The following FER1L6 variants were observed in gnomAD, a reference collection of about 807,000 sequenced individuals.
FER1L6 encodes the protein fer-1-like protein 6.
FER1L6 carries 177 observed loss-of-function variants against 219.2 expected under a neutral mutation model. The observed-to-expected ratio is 0.81, with a 90% CI of 0.71 to 0.91. FER1L6 has a LOEUF of 0.91. Among genes scored for constraint, FER1L6 ranks in the 40% least tolerant of loss-of-function variants. The probability of loss-of-function intolerance (pLI) is 0.00; values close to 1 mark genes in which losing one functional copy is unlikely to be tolerated. For missense variants in FER1L6, 2,153 were observed against 2,259.9 expected (o/e 0.95, Z 0.96); for synonymous variants, 768 against 824.3 (o/e 0.93, Z 1.17).
At chr8:123,900,435 C>G (rs1473540032) in intron 1 of FER1L6, among the ~76,000 whole-genome samples, 2 of 152,162 alleles carry the variant, frequency 1.3e-5, no homozygotes, top group Non-Finnish European at 2.9e-5. Flanking sequence ...ATATCATCAG[C>G]AAACAGTGAC....
At chr8:123,994,213 G>C (rs113641936) in intron 12 of FER1L6, among the ~76,000 whole-genome samples, 5 of 152,256 alleles carry the variant, frequency 3.3e-5, no homozygotes, top group African/African-American at 1.2e-4. Context: ...GCAATGAGTG[G>C]AACCACAGAG....
rs1286560623 is a variant in FER1L6 at position 124,119,916 on chromosome 8, G to C, written c.*126G>C. 1 of 967,472 alleles carries C rather than the reference G, an allele frequency of 1.0e-6. No homozygotes were observed. Among genetic ancestry groups the C allele is most frequent in the East Asian group, 2.6e-5 (1 of 38,788 alleles). The allele number at this position is 967,472 out of a possible 1,614,324, so 59.9% of individuals were successfully genotyped here. On this transcript the variant is annotated 3_prime_UTR_variant, in exon 41 of 41. Transcript: ENST00000522917. ...TAAGGGGACAGATCAACCCTTCTTG[G>C]AAGAGATGGAAAAGAAACATTTCCT...
intron 8 of FER1L6, among the ~76,000 whole-genome samples, chr8:123,975,566 A>G (rs977522230): frequency 6.6e-6 from 1 of 152,146 alleles, no homozygotes; most frequent in East Asian, 1.9e-4. Context: ...AGCTTATCCA[A>G]TTTTTCTGAA....
At chr8:124,049,336 G>A (rs777930024) in intron 21 of FER1L6, among the ~76,000 whole-genome samples, 57 of 152,102 alleles carry the variant, frequency 3.7e-4, no homozygotes, top group African/African-American at 9.2e-4. Flanking sequence ...CTGAGCTACC[G>A]CGCCTGTATG....
chr8:123,948,940 T>C lies in FER1L6; in HGVS notation c.-7-7052T>C, dbSNP rs1586502508. On this transcript the variant is annotated intron_variant, in intron 1 of 40. Transcript: ENST00000522917. The stretch of plus-strand genomic sequence containing the variant: ...GCAAAGATGGCTGTGGAATAGAGAG[T>C]AGGTTTCAGGAGGGAGAGAACAGAA... Among the ~76,000 whole-genome samples, 3 of 152,144 alleles carry C rather than the reference T, an allele frequency of 2.0e-5. No homozygotes were observed. The South Asian group carries it at 6.2e-4, about 32-fold the overall frequency.
chr8:123,936,462 G>A (rs1236717185), intron 1 of FER1L6, among the ~76,000 whole-genome samples: 1 of 97,928 alleles, frequency 1.0e-5, no homozygotes, highest in African/African-American at 3.9e-5. Flanking sequence ...ATTGCAGCCT[G>A]TTTTTTTTTT....
intron 1 of FER1L6, among the ~76,000 whole-genome samples, chr8:123,932,620 ATGG>A (rs1813815829): frequency 6.6e-6 from 1 of 152,166 alleles, no homozygotes; most frequent in African/African-American, 2.4e-5. Context: ...CATTGGCGTA[ATGG>A]TGGGGGGAGG....
At position 124,076,436 on chromosome 8, in the gene FER1L6, AG is replaced by A. The variant is rs2130891427; in HGVS notation, c.4220+113del. 2.8e-6 allele frequency: 3 copies of A among 1,083,088 alleles called. No individual in the cohort carries two copies. In the East Asian group the frequency reaches 7.2e-5, roughly 26 times the overall value. The allele number at this position is 1,083,088 out of a possible 1,614,324, so 67.1% of individuals were successfully genotyped here. A position where few individuals can be genotyped will look rare whatever the true frequency, so the allele number is the denominator to read the frequency against. On this transcript the variant is annotated intron_variant, in intron 32 of 40. Coordinates refer to ENST00000522917, the MANE Select transcript of FER1L6 (RefSeq NM_001039112.2). ...TGTTCCTGGGTGAAATGGTTCCAGG[AG>A]GTTAAATACTGGCTTCTGCTCTTGG...
intron 31 of FER1L6, among the ~76,000 whole-genome samples, chr8:124,073,593 T>C (rs903911601): frequency 1.1e-4 from 16 of 152,166 alleles, no homozygotes; most frequent in African/African-American, 3.6e-4. Context: ...GTTTACAAGA[T>C]AGGTTGGCCA....
rs764350360 is a variant in FER1L6 at position 124,062,017 on chromosome 8, A to G, written c.3313A>G (p.Thr1105Ala). ...PLAPITQVDG[T>A]QPGHDISDSL... ...TGCCCCCATCACACAGGTGGATGGA[A>G]CCCAGCCTGGGCACGGTGAGAAGCT... is the stretch of plus-strand genomic sequence containing the variant. Residue 1105 changes from threonine (T) to alanine (A), a missense_variant, in exon 25 of 41, where the codon ACC becomes GCC. Transcript: ENST00000522917. The G allele has an allele frequency of 1.9e-6, 3 of 1,613,992 alleles. No individual in the cohort carries two copies. The East Asian group carries it at 6.7e-5, about 36-fold the overall frequency.
In FER1L6 at chr8:124,017,719, G is replaced by A. The variant is rs1818262936; in HGVS notation, c.2013+1G>A. 3.3e-5 allele frequency: 53 copies of A among 1,612,012 alleles called. No homozygotes were observed. Among genetic ancestry groups the A allele is most frequent in the Non-Finnish European group, 4.3e-5 (51 of 1,178,342 alleles). ...ACTTACGCTCTGCTGGCAGGAGCTGGTATGTGAAAATCTATTTATACTTTG... is the reference window on the plus strand; with the variant it reads ...ACTTACGCTCTGCTGGCAGGAGCTGATATGTGAAAATCTATTTATACTTTG... On this transcript the variant is annotated splice_donor_variant, in intron 16 of 40. Coordinates refer to ENST00000522917, the MANE Select transcript of FER1L6 (RefSeq NM_001039112.2). LOFTEE classifies it high-confidence loss of function.
At chr8:124,052,210 G>A (rs183208430) in intron 22 of FER1L6, among the ~76,000 whole-genome samples, 98 of 152,242 alleles carry the variant, frequency 6.4e-4, no homozygotes, top group Non-Finnish European at 1.2e-3. Flanking sequence ...GACTTTCAAC[G>A]AGTGATTTTA....
chr8:123,878,802 C>G (rs953878150), intron 1 of FER1L6, among the ~76,000 whole-genome samples: 21 of 152,162 alleles, frequency 1.4e-4, no homozygotes, highest in African/African-American at 5.1e-4. Flanking sequence ...AAAAGAAAAC[C>G]TTGTCACTGC....
At chr8:124,069,605 G>A in intron 29 of FER1L6, 130 bp downstream of exon 29, 1 of 636,184 alleles carries the variant, frequency 1.6e-6, no homozygotes, top group Admixed American at 3.6e-5. Flanking sequence ...CCGATGTAGA[G>A]AAGTAAACTT....
intron 1 of FER1L6, chr8:123,939,306 A>G (rs950353430): frequency 3.4e-6 from 2 of 581,054 alleles, no homozygotes; most frequent in African/African-American, 2.0e-5. Flanking sequence ...AAGTCCTAGG[A>G]GACCAGGTTT....
In FER1L6 at chr8:124,013,529, C is replaced by A; in HGVS notation, c.1920C>A (p.Ser640Arg). 6.3e-7 allele frequency: 1 copy of A among 1,595,264 alleles called. No homozygotes were observed. The highest frequency in any genetic ancestry group is 8.5e-7 in the Non-Finnish European group (1 of 1,173,286). ...KTVLSDFISR[S>R]SAFISEAEKK... ...TGCTCAGTGACTTCATCAGTCGGAG[C>A]AGGTACCGGGAGAGACAGCCGGCAT... Residue 640 changes from serine to arginine, a missense_variant and splice_region_variant, in exon 15 of 41, where the codon AGC becomes AGA. Transcript: ENST00000522917.
At chr8:124,067,576 G>A (rs770878162) in intron 27 of FER1L6, among the ~76,000 whole-genome samples, 191 bp from the exon 28 acceptor site, 1 of 152,160 alleles carries the variant, frequency 6.6e-6, no homozygotes, top group Non-Finnish European at 1.5e-5. Flanking sequence ...TCTTTTTTAG[G>A]ATAGGGCATC....
intron 1 of FER1L6, among the ~76,000 whole-genome samples, chr8:123,864,096 C>T (rs1169781933): frequency 1.3e-5 from 2 of 148,342 alleles, no homozygotes; most frequent in Admixed American, 1.3e-4. Context: ...TACATTTTGG[C>T]ATGATTTTGC....
At chr8:124,028,318 A>G (rs1818797886) in intron 18 of FER1L6, among the ~76,000 whole-genome samples, 1 of 152,218 alleles carries the variant, frequency 6.6e-6, no homozygotes, top group African/African-American at 2.4e-5. Context: ...ACTTGATAAA[A>G]TATCTTGATA....
Sources: allele counts gnomAD v4.1 joint callset (sites outside exome capture counted in the v4.1 genomes callset), GRCh38; gene constraint gnomAD v4.1.1; transcripts MANE v1.5; gene names NCBI Gene and HGNC (gene_info 2026-07-23, HGNC 2026-07-21).